RAET1E: variants seen among roughly 807,000 people sequenced by gnomAD.
The protein encoded by RAET1E is retinoic acid early transcript 1E, also known as NKG2D ligand 4.
In RAET1E, 27 loss-of-function variants were observed where a neutral mutation model predicts 21.1. That is an observed-to-expected ratio of 1.28 (90% CI 0.94 to 1.76). The LOEUF (loss-of-function observed/expected upper bound fraction) is 1.76. RAET1E is among the 40% of genes most tolerant of loss of function. The probability of loss-of-function intolerance (pLI) is 0.00; values close to 1 mark genes in which losing one functional copy is unlikely to be tolerated. For synonymous variants in RAET1E, 113 were observed against 115.0 expected (o/e 0.98, Z 0.11); for missense variants, 310 against 311.3 (o/e 1.00, Z 0.03).
Position 149,885,427 on chromosome 6 carries a change from G to C in RAET1E, c.*3071C>G, listed in dbSNP as rs1337802593. Among the ~76,000 whole-genome samples, 1 of 152,158 alleles carries C rather than the reference G, an allele frequency of 6.6e-6. No individual in the cohort carries two copies. The highest frequency in any genetic ancestry group is 2.4e-5 in the African/African-American group (1 of 41,436). ...CCTCTCAGGTCGTGAATGCCCAGGC[G>C]ATAAATGAAATTCACCTCATCTTAT... On this transcript the variant is annotated 3_prime_UTR_variant, in exon 6 of 6. Coordinates refer to ENST00000357183, the MANE Select transcript of RAET1E (RefSeq NM_001394057.1).
At chr6:149,897,199 A>G (rs1038700335) in intron 1 of RAET1E, among the ~76,000 whole-genome samples, 9 of 152,040 alleles carry the variant, frequency 5.9e-5, no homozygotes, top group South Asian at 2.1e-4. Context: ...CACCCAGCTA[A>G]TTTTTAAATT....
At chr6:149,890,429 G>A (rs1582770988) in intron 3 of RAET1E, among the ~76,000 whole-genome samples, 1 of 152,244 alleles carries the variant, frequency 6.6e-6, no homozygotes, top group East Asian at 1.9e-4. Context: ...CAAGTTCTGA[G>A]GCACAAAACA....
At chr6:149,892,277 T>A (rs1777936090) in intron 2 of RAET1E, among the ~76,000 whole-genome samples, 1 of 152,244 alleles carries the variant, frequency 6.6e-6, no homozygotes, top group Non-Finnish European at 1.5e-5. Flanking sequence ...CGTAAGGAAT[T>A]GCCACACTGT....
At chr6:149,890,710 G>A (rs1777853459) in intron 3 of RAET1E, 107 bp downstream of exon 3, 1 of 755,662 alleles carries the variant, frequency 1.3e-6, no homozygotes, top group African/African-American at 1.7e-5. Flanking sequence ...TCATCCTTAA[G>A]AGCAGGCACC....
In RAET1E at chr6:149,886,327, G is replaced by A. The variant is rs557486066; in HGVS notation, c.*2171C>T. 1.3e-5 allele frequency among the ~76,000 whole-genome samples: 2 copies of A among 152,238 alleles called. No individual in the cohort carries two copies. The highest frequency in any genetic ancestry group is 4.8e-5 in the African/African-American group (2 of 41,530). On this transcript the variant is annotated 3_prime_UTR_variant, in exon 6 of 6. Coordinates refer to ENST00000357183, the MANE Select transcript of RAET1E (RefSeq NM_001394057.1). ...GATAGCTTCCTGCTGTTGATTTCTAGTTTATTTCCATTGTGCTTGGACAAG... is the reference window on the plus strand; with the variant it reads ...GATAGCTTCCTGCTGTTGATTTCTAATTTATTTCCATTGTGCTTGGACAAG...
rs7742993 is a variant in RAET1E, at chr6:149,883,959, G to A, written c.*4539C>T. On this transcript the variant is annotated 3_prime_UTR_variant, in exon 6 of 6. Transcript: ENST00000357183. The stretch of plus-strand genomic sequence containing the variant: ...CCAACAACTCTTCTTCCTCCACTGC[G>A]TAGTAATCCACAAGCTGCTACTCTT... The A allele has an allele frequency of 0.42, 65,340 of 154,900 alleles. 14,514 individuals are homozygous for A. Among genetic ancestry groups the A allele is most frequent in the East Asian group, 0.88 (4,652 of 5,268 alleles). The allele number at this position is 154,900 out of a possible 1,614,324, so 9.6% of individuals were successfully genotyped here.
At position 149,888,158 on chromosome 6, in the gene RAET1E, T is replaced by C. The variant is rs372384997; in HGVS notation, c.*340A>G. 1.8e-6 allele frequency: 1 copy of C among 561,742 alleles called. No individual in the cohort carries two copies. Among genetic ancestry groups the C allele is most frequent in the South Asian group, 1.4e-5 (1 of 69,592 alleles). 34.8% of individuals were successfully genotyped at this position (561,742 alleles called of 1,614,324 possible). A position where few individuals can be genotyped will look rare whatever the true frequency, so the allele number is the denominator to read the frequency against. On this transcript the variant is annotated 3_prime_UTR_variant, in exon 6 of 6. Transcript: ENST00000357183. ...TGCAGCCACAAGCGCCACCAGCAAG[T>C]CTTCTCAGGGTGAACGGGAAAAGGG...
chr6:149,893,737 T>C (rs1400629751), intron 2 of RAET1E, among the ~76,000 whole-genome samples: 1 of 152,218 alleles, frequency 6.6e-6, no homozygotes, highest in African/African-American at 2.4e-5. Context: ...TCCAATACTA[T>C]GTTGAATAGG....
intron 1 of RAET1E, among the ~76,000 whole-genome samples, chr6:149,897,646 A>G (rs1001443515): frequency 1.3e-5 from 2 of 152,196 alleles, no homozygotes; most frequent in Non-Finnish European, 2.9e-5. Context: ...AAGCCTTGGC[A>G]TAAGCGGAAG....
chr6:149,888,802 C>T, intron 5 of RAET1E, 135 bp from the exon 6 acceptor site: 1 of 1,315,756 alleles, frequency 7.6e-7, no homozygotes. Context: ...GCTCATGTGA[C>T]AGCCACTCTA....
chr6:149,888,423 C>T lies in RAET1E; in HGVS notation c.*75G>A. Reference sequence around the variant, plus strand: ...TCAAGACTAAGGCAGTGCACCATTTCTGTGGAGAGAGATGGATCAGGGAGC... The same window carrying T: ...TCAAGACTAAGGCAGTGCACCATTTTTGTGGAGAGAGATGGATCAGGGAGC... On this transcript the variant is annotated 3_prime_UTR_variant, in exon 6 of 6. Coordinates refer to ENST00000357183, the MANE Select transcript of RAET1E (RefSeq NM_001394057.1). 2.6e-6 allele frequency: 4 copies of T among 1,557,298 alleles called. No individual in the cohort carries two copies. The highest frequency in any genetic ancestry group is 3.5e-6 in the Non-Finnish European group (4 of 1,143,692).
Position 149,888,127 on chromosome 6 carries a change from A to C in RAET1E, c.*371T>G. The C allele has an allele frequency of 2.0e-6, 1 of 511,810 alleles. No individual in the cohort carries two copies. The highest frequency in any genetic ancestry group is 3.8e-6 in the Non-Finnish European group (1 of 261,930). The allele number at this position is 511,810 out of a possible 1,614,324, so 31.7% of individuals were successfully genotyped here. On this transcript the variant is annotated 3_prime_UTR_variant, in exon 6 of 6. Coordinates refer to ENST00000357183, the MANE Select transcript of RAET1E (RefSeq NM_001394057.1). ...CACATCTTGTATGTTATCTGGGAGT[A>C]AATGCTGCAGCCACAAGCGCCACCA... is the stretch of plus-strand genomic sequence containing the variant.
Position 149,887,666 on chromosome 6 carries a change from G to A in RAET1E, c.*832C>T, listed in dbSNP as rs1033707222. ...GGAGTAGCCTATTTTTCTCATTAGAGGGAATCCTAACTTTGAACTCCACAG... is the reference window on the plus strand; with the variant it reads ...GGAGTAGCCTATTTTTCTCATTAGAAGGAATCCTAACTTTGAACTCCACAG... On this transcript the variant is annotated 3_prime_UTR_variant, in exon 6 of 6. Transcript: ENST00000357183. Among the ~76,000 whole-genome samples, 16 of 152,150 alleles carry A rather than the reference G, an allele frequency of 1.1e-4. No individual in the cohort carries two copies. Among genetic ancestry groups the A allele is most frequent in the African/African-American group, 3.9e-4 (16 of 41,442 alleles).
rs1016272873 is a variant in RAET1E at position 149,887,167 on chromosome 6, A to G, written c.*1331T>C. ...AGAGGCCAGGAACTCCCAGGTGTCT[A>G]TGGAGGTCCCACCTCCTTTAAATCC... On this transcript the variant is annotated 3_prime_UTR_variant, in exon 6 of 6. Coordinates refer to ENST00000357183, the MANE Select transcript of RAET1E (RefSeq NM_001394057.1). Among the ~76,000 whole-genome samples the G allele has an allele frequency of 6.6e-5, 10 of 152,154 alleles. No homozygotes were observed. Among genetic ancestry groups the G allele is most frequent in the South Asian group, 2.1e-4 (1 of 4,828 alleles).
chr6:149,888,316 C>A lies in RAET1E; in HGVS notation c.*182G>T. On this transcript the variant is annotated 3_prime_UTR_variant, in exon 6 of 6. Transcript: ENST00000357183. ...CAGGCGTTCCAGATCTTTGACCTTG[C>A]CCCTCCTCGAGAGGAGATGATTGCT... The A allele has an allele frequency of 1.3e-6, 1 of 782,198 alleles. No individual in the cohort carries two copies. Among genetic ancestry groups the A allele is most frequent in the Non-Finnish European group, 2.1e-6 (1 of 469,376 alleles). 48.5% of individuals were successfully genotyped at this position (782,198 alleles called of 1,614,324 possible). A position where few individuals can be genotyped will look rare whatever the true frequency, so the allele number is the denominator to read the frequency against.
chr6:149,890,742 A>G (rs1777854908), intron 3 of RAET1E, 75 bp downstream of exon 3: 1 of 980,698 alleles, frequency 1.0e-6, no homozygotes. Context: ...AGCCTGCATG[A>G]AGCCCCATTC....
chr6:149,884,820 G>C lies in RAET1E; in HGVS notation c.*3678C>G, dbSNP rs938908938. ...TGTGGGCAAGGGTATCCCTGCGGCAGGTCCAGAGCACTGAGGGTGGGGCTT... is the reference window on the plus strand; with the variant it reads ...TGTGGGCAAGGGTATCCCTGCGGCACGTCCAGAGCACTGAGGGTGGGGCTT... On this transcript the variant is annotated 3_prime_UTR_variant, in exon 6 of 6. Coordinates refer to ENST00000357183, the MANE Select transcript of RAET1E (RefSeq NM_001394057.1). Among the ~76,000 whole-genome samples, 2 of 152,192 alleles carry C rather than the reference G, an allele frequency of 1.3e-5. No individual in the cohort carries two copies. The highest frequency in any genetic ancestry group is 4.8e-5 in the African/African-American group (2 of 41,446).
At position 149,890,124 on chromosome 6, in the gene RAET1E, T is replaced by G. The variant is rs1246952069; in HGVS notation, c.107A>C (p.Asn36Thr). 1.9e-6 allele frequency: 3 copies of G among 1,613,980 alleles called. No homozygotes were observed. The highest frequency in any genetic ancestry group is 1.7e-6 in the Non-Finnish European group (2 of 1,180,020). ...TCTGGACAATGATTTTATAGTGAAG[T>G]TGAAGCAAAGAGAGTGACCACCTGT... is the stretch of plus-strand genomic sequence containing the variant. ...IMVGGHSLCFNFTIKSLSRPG... is the reference protein window; with the variant it reads ...IMVGGHSLCFTFTIKSLSRPG... The change falls in exon 4 of 6, where the codon AAC becomes ACC. Residue 36 changes from asparagine to threonine, a missense_variant. Coordinates refer to ENST00000357183, the MANE Select transcript of RAET1E (RefSeq NM_001394057.1).
intron 3 of RAET1E, 49 bp from the exon 4 acceptor site, chr6:149,890,194 T>C: frequency 6.2e-7 from 1 of 1,601,700 alleles, no homozygotes; most frequent in South Asian, 1.1e-5. Context: ...AAGAGGCCCA[T>C]TAGAACCTGC....
Sources: allele counts gnomAD v4.1 joint callset (sites outside exome capture counted in the v4.1 genomes callset), GRCh38; gene constraint gnomAD v4.1.1; transcripts MANE v1.5; gene names NCBI Gene and HGNC (gene_info 2026-07-23, HGNC 2026-07-21).